Variants in WDR62 observed in about 807,000 individuals in gnomAD.
The protein encoded by WDR62 is WD repeat domain 62.
Under a neutral mutation model 160.6 loss-of-function variants are expected in WDR62, and 112 were observed. The observed-to-expected ratio is 0.70, with a 90% CI of 0.60 to 0.82. WDR62 has a LOEUF of 0.82. Ranked by LOEUF, WDR62 falls within the 40% of genes least tolerant of loss-of-function variation. The pLI is 0.00. For synonymous variants in WDR62, 792 were observed against 815.1 expected (o/e 0.97, Z 0.48); for missense variants, 1,819 against 1,983.8 (o/e 0.92, Z 1.58).
In WDR62 at chr19:36,067,910, G is replaced by A. The variant is rs1407057837; in HGVS notation, c.782G>A (p.Gly261Asp). 1 of 1,614,216 alleles carries A rather than the reference G, an allele frequency of 6.2e-7. No individual in the cohort carries two copies. ...HNNIFCGVAC[G>D]RGRMAGSTFC... ...AACATCTTCTGTGGTGTGGCCTGCG[G>A]TCGGGGCCGGATGGCGGGCAGTACC... The change falls in exon 7 of 32, where the codon GGT (glycine) becomes GAT (aspartate). Residue 261 changes from glycine to aspartate, a missense_variant. Coordinates refer to ENST00000401500, the MANE Select transcript of WDR62 (RefSeq NM_001083961.2).
intron 7 of WDR62, among the ~76,000 whole-genome samples, chr19:36,069,497 A>G (rs927612986): frequency 6.7e-6 from 1 of 148,960 alleles, no homozygotes; most frequent in Admixed American, 6.7e-5. Context: ...GGCGCTCCTC[A>G]CTTCCCAGAT....
At position 36,055,108 on chromosome 19, in the gene WDR62, C is replaced by T. The variant is rs1307824885; in HGVS notation, c.137C>T (p.Thr46Met). The change falls in exon 1 of 32, where the codon ACG becomes ATG. Residue 46 changes from threonine to methionine, a missense_variant. Physicochemically the swap from Thr to Met is moderately conservative, Grantham distance 81. Transcript: ENST00000401500. Reference protein sequence around the residue: ...PAPPICLRRRTRLSTASEETV... With the variant: ...PAPPICLRRRMRLSTASEETV... ...CCACCAATCTGCCTACGGCGGCGGA[C>T]GCGACTCTCGACGGCCTCCGAGGAG... The T allele has an allele frequency of 2.5e-6, 4 of 1,606,580 alleles. No homozygotes were observed. In the Admixed American group the frequency reaches 5.0e-5, roughly 20 times the overall value.
intron 12 of WDR62, among the ~76,000 whole-genome samples, chr19:36,085,414 CTTTTT>C (rs35753706): frequency 0.24 from 16,716 of 70,848 alleles, 2,064 homozygotes; most frequent in Middle Eastern, 0.45. Context: ...CACACCTGAC[CTTTTT>C]TTTTTTTTTT....
chr19:36,102,930 C>G lies in WDR62; in HGVS notation c.3336-18C>G. 6.2e-7 allele frequency: 1 copy of G among 1,614,164 alleles called. No individual in the cohort carries two copies. The highest frequency in any genetic ancestry group is 8.5e-7 in the Non-Finnish European group (1 of 1,180,038). ...GCAGGCTGAATGAGAATCATCCCCC[C>G]TGCTCTCCTCCCCACAGGTTCACCC... On this transcript the variant is annotated intron_variant, in intron 27 of 31. Coordinates refer to ENST00000401500, the MANE Select transcript of WDR62 (RefSeq NM_001083961.2).
chr19:36,094,900 G>A (rs994154066), intron 20 of WDR62, among the ~76,000 whole-genome samples: 6 of 152,004 alleles, frequency 3.9e-5, no homozygotes, highest in Non-Finnish European at 7.4e-5. Context: ...GCCTGGTGGT[G>A]CACACCTATA....
intron 21 of WDR62, among the ~76,000 whole-genome samples, chr19:36,098,767 A>T (rs192329853): frequency 4.7e-4 from 72 of 152,240 alleles, no homozygotes; most frequent in African/African-American, 1.6e-3. Flanking sequence ...ATCCATACAG[A>T]AATGTAGAGC....
the WDR62 span, among the ~76,000 whole-genome samples, chr19:36,110,147 A>T: frequency 6.6e-6 from 1 of 151,904 alleles, no homozygotes; most frequent in Non-Finnish European, 1.5e-5. Context: ...GTGCCGGGGT[A>T]GGGTCCTGGG....
intron 3 of WDR62, among the ~76,000 whole-genome samples, chr19:36,065,289 A>G (rs1308050980): frequency 6.6e-6 from 1 of 152,226 alleles, no homozygotes; most frequent in Non-Finnish European, 1.5e-5. Flanking sequence ...AGTTATCTAC[A>G]CACCAATTTA....
In WDR62 at chr19:36,067,341, T is replaced by TAA; in HGVS notation, c.598_599insAA (p.Arg200LysfsTer23). 6.2e-7 allele frequency: 1 copy of TAA among 1,614,212 alleles called. No individual in the cohort carries two copies. On this transcript the variant is annotated frameshift_variant, in exon 6 of 32. Transcript: ENST00000401500. LOFTEE classifies it high-confidence loss of function. ...TAGTGGCCTCCAACAAGGTATCTTG[T>TAA]AGAGTCATTGCCCTCTCCTTCTCAG...
chr19:36,084,296 C>T (rs1302189046), intron 11 of WDR62, among the ~76,000 whole-genome samples: 2 of 152,110 alleles, frequency 1.3e-5, no homozygotes, highest in African/African-American at 4.8e-5. Flanking sequence ...TAGCTCCTAT[C>T]CTGGACTATG....
chr19:36,089,210 G>C lies in WDR62; in HGVS notation c.1862G>C (p.Arg621Pro). Reference protein sequence around the residue: ...QQGSDGLHFVRTHHVAEKTTL... With the variant: ...QQGSDGLHFVPTHHVAEKTTL... ...GGTTCGGATGGACTACACTTTGTCC[G>C]TACCCACCACGTAGCAGAGAAAACC... The change falls in exon 15 of 32, where the codon CGT (arginine) becomes CCT (proline). Residue 621 changes from arginine (R) to proline (P), a missense_variant. By Grantham distance (103) the Arg-to-Pro change is moderately radical (BLOSUM62 -2). Transcript: ENST00000401500. The C allele has an allele frequency of 6.2e-7, 1 of 1,614,172 alleles. No homozygotes were observed.
chr19:36,085,317 T>C (rs1599801269), intron 12 of WDR62, among the ~76,000 whole-genome samples: 1 of 151,972 alleles, frequency 6.6e-6, no homozygotes, highest in Admixed American at 6.6e-5. Flanking sequence ...GGTTTCACCA[T>C]GTTGGCCAGG....
chr19:36,098,809 A>G (rs1294996238), intron 21 of WDR62, among the ~76,000 whole-genome samples: 1 of 152,068 alleles, frequency 6.6e-6, no homozygotes, highest in African/African-American at 2.4e-5. Context: ...GTTTCAGAGA[A>G]AAGTTCATGA....
rs757753728 is a variant in WDR62, at chr19:36,065,989, G to A, written c.364G>A (p.Asp122Asn). 20 of 1,614,196 alleles carry A rather than the reference G, an allele frequency of 1.2e-5. No individual in the cohort carries two copies. The highest frequency in any genetic ancestry group is 1.7e-5 in the Non-Finnish European group (20 of 1,180,028). The change falls in exon 4 of 32, where the codon GAT becomes AAT. Residue 122 changes from aspartate (D) to asparagine (N), a missense_variant. Transcript: ENST00000401500. The stretch of plus-strand genomic sequence containing the variant: ...TCTCAGTGCTCTGGCCTTCTCCCCT[G>A]ATGGGAAGTACATAGTGACAGGGGA... The part of the protein sequence containing the change: ...KSLSALAFSP[D>N]GKYIVTGENG...
intron 10 of WDR62, among the ~76,000 whole-genome samples, chr19:36,082,465 A>G (rs1392238289): frequency 1.3e-5 from 2 of 152,168 alleles, no homozygotes; most frequent in African/African-American, 2.4e-5. Flanking sequence ...GAAAGAGGCC[A>G]GTGTGATTGG....
chr19:36,066,340 G>A lies in WDR62; in HGVS notation c.474G>A (p.Val158=), dbSNP rs770900419. The A allele has an allele frequency of 1.9e-6, 3 of 1,614,174 alleles. No individual in the cohort carries two copies. The highest frequency in any genetic ancestry group is 2.2e-5 in the South Asian group (2 of 91,086). The change falls in exon 5 of 32, where the codon GTG becomes GTA. Residue 158 remains valine, a synonymous_variant. Coordinates refer to ENST00000401500, the MANE Select transcript of WDR62 (RefSeq NM_001083961.2). ...VAEMLGHKYG[V]ACVAFSPNMK... The stretch of plus-strand genomic sequence containing the variant: ...AGATGCTAGGCCACAAGTATGGTGT[G>A]GCGTGTGTGGCCTTCTCACCCAATA...
At chr19:36,102,199 G>C in intron 26 of WDR62, 48 bp downstream of exon 26, 1 of 1,613,258 alleles carries the variant, frequency 6.2e-7, no homozygotes, top group Non-Finnish European at 8.5e-7. Flanking sequence ...TGTGCAGCCT[G>C]GGCACAGCAT....
At chr19:36,107,632 C>T (rs1973739277), downstream of WDR62, among the ~76,000 whole-genome samples, 1 of 151,898 alleles carries the variant, frequency 6.6e-6, no homozygotes, top group African/African-American at 2.4e-5. Flanking sequence ...TCCCAGGCAA[C>T]AGGAATGGAG....
intron 20 of WDR62, among the ~76,000 whole-genome samples, chr19:36,094,789 C>T (rs774065724): frequency 1.1e-3 from 170 of 151,656 alleles, no homozygotes; most frequent in Non-Finnish European, 1.7e-3. Flanking sequence ...GTCCCAACTA[C>T]ATGGGAGGCT....
Sources: gnomAD v4.1 joint callset for allele counts (sites outside exome capture counted in the v4.1 genomes callset) on GRCh38, gnomAD v4.1.1 for gene constraint, MANE v1.5 for transcripts, NCBI Gene and HGNC (gene_info 2026-07-23, HGNC 2026-07-21) for gene names.